The following CMKLR1 variants were observed in gnomAD, a reference collection of about 807,000 sequenced individuals.
CMKLR1 encodes the protein chemerin-like receptor 1.
CMKLR1 carries 6 observed loss-of-function variants against 8.2 expected under a neutral mutation model. The observed-to-expected ratio is 0.73, with a 90% CI of 0.40 to 1.44. CMKLR1 has a LOEUF of 1.44. Among genes scored for constraint, CMKLR1 ranks in the 40% most tolerant of loss-of-function variants. CMKLR1 has a pLI of 0.02. For missense variants in CMKLR1, 429 were observed against 478.0 expected, an observed-to-expected ratio of 0.90 and a Z score of 0.96; for synonymous variants, 178 against 181.2, an observed-to-expected ratio of 0.98 and a Z score of 0.14.
rs573645360 is a variant in CMKLR1 at position 108,317,271 on chromosome 12, T to C, written c.-74+12724A>G. 9.2e-5 allele frequency among the ~76,000 whole-genome samples: 14 copies of C among 152,354 alleles called. No homozygotes were observed. The South Asian group carries it at 2.3e-3, about 25-fold the overall frequency. ...CATGGGTTTCAGTCATTATGTGCTC[T>C]AGAGGTTCTCTTCATCCATGGTTAT... On this transcript the variant is annotated intron_variant, in intron 2 of 3. Coordinates refer to ENST00000550402, the MANE Select transcript of CMKLR1 (RefSeq NM_001142343.2).
At chr12:108,322,263 C>T (rs1891879729) in intron 2 of CMKLR1, among the ~76,000 whole-genome samples, 1 of 152,178 alleles carries the variant, frequency 6.6e-6, no homozygotes, top group Non-Finnish European at 1.5e-5. Context: ...TGGTGCATAC[C>T]TCCCAGGGCT....
chr12:108,312,421 G>A (rs571686965), intron 2 of CMKLR1, among the ~76,000 whole-genome samples: 2 of 152,202 alleles, frequency 1.3e-5, no homozygotes, highest in African/African-American at 4.8e-5. Flanking sequence ...CCATGGGGAA[G>A]AGCCCTCACC....
chr12:108,290,365 A>G lies in CMKLR1; in HGVS notation c.*1476T>C, dbSNP rs1684913143. 6.6e-6 allele frequency: 1 copy of G among 152,164 alleles called. No homozygotes were observed. Among genetic ancestry groups the G allele is most frequent in the Non-Finnish European group, 1.5e-5 (1 of 68,020 alleles). The allele number at this position is 152,164 out of a possible 1,614,324, so 9.4% of individuals were successfully genotyped here. ...CCTCTCTAAGCCTCAGATTCCTCCT[A>G]TGTAAAAGGGAAGTTATAACCATAC... On this transcript the variant is annotated 3_prime_UTR_variant, in exon 4 of 4. Transcript: ENST00000550402.
Position 108,290,470 on chromosome 12 carries a change from G to A in CMKLR1, c.*1371C>T, listed in dbSNP as rs1190688910. On this transcript the variant is annotated 3_prime_UTR_variant, in exon 4 of 4. Coordinates refer to ENST00000550402, the MANE Select transcript of CMKLR1 (RefSeq NM_001142343.2). ...TATAAAAAGTGCTAAATAAATGTAG[G>A]CTATCAATATACTAGAATAATCTCC... is the stretch of plus-strand genomic sequence containing the variant. 1 of 152,180 alleles carries A rather than the reference G, an allele frequency of 6.6e-6. No homozygotes were observed. Among genetic ancestry groups the A allele is most frequent in the Admixed American group, 6.5e-5 (1 of 15,284 alleles). 9.4% of individuals were successfully genotyped at this position (152,180 alleles called of 1,614,324 possible).
At chr12:108,312,843 G>T (rs982270612) in intron 2 of CMKLR1, among the ~76,000 whole-genome samples, 2 of 152,028 alleles carry the variant, frequency 1.3e-5, no homozygotes, top group Non-Finnish European at 2.9e-5. Flanking sequence ...ACTGACTTGG[G>T]GTACTTAGAG....
chr12:108,322,331 G>C (rs999079314), intron 2 of CMKLR1, among the ~76,000 whole-genome samples: 2 of 152,118 alleles, frequency 1.3e-5, no homozygotes, highest in Admixed American at 6.5e-5. Context: ...GGGATTTTAG[G>C]GAGACACTGG....
rs926004008 is a variant in CMKLR1, at chr12:108,291,101, G to A, written c.*740C>T. The A allele has an allele frequency of 6.6e-6, 1 of 152,276 alleles. No individual in the cohort carries two copies. The highest frequency in any genetic ancestry group is 2.4e-5 in the African/African-American group (1 of 41,466). 9.4% of individuals were successfully genotyped at this position (152,276 alleles called of 1,614,324 possible). A position where few individuals can be genotyped will look rare whatever the true frequency, so the allele number is the denominator to read the frequency against. The stretch of plus-strand genomic sequence containing the variant: ...CCAGCCTAAAGCACCATCAGCCTGC[G>A]ATGTTCTAGGGTGAGCTGCTCCATG... On this transcript the variant is annotated 3_prime_UTR_variant, in exon 4 of 4. Coordinates refer to ENST00000550402, the MANE Select transcript of CMKLR1 (RefSeq NM_001142343.2).
At chr12:108,310,889 G>A (rs1220924856) in intron 2 of CMKLR1, among the ~76,000 whole-genome samples, 1 of 152,178 alleles carries the variant, frequency 6.6e-6, no homozygotes, top group Non-Finnish European at 1.5e-5. Context: ...GCCAGAACCT[G>A]CAGCTCACCA....
At chr12:108,295,984 C>A (rs1056971031) in intron 2 of CMKLR1, among the ~76,000 whole-genome samples, 1 of 152,190 alleles carries the variant, frequency 6.6e-6, no homozygotes, top group Non-Finnish European at 1.5e-5. Flanking sequence ...AACTCCTCAT[C>A]CTTCCAGGAA....
intron 2 of CMKLR1, among the ~76,000 whole-genome samples, chr12:108,311,317 T>G (rs1300277579): frequency 6.6e-6 from 1 of 152,156 alleles, no homozygotes; most frequent in Admixed American, 6.5e-5. Flanking sequence ...ATATTAACAC[T>G]TAAAAGTGCT....
chr12:108,292,124 T>C lies in CMKLR1; in HGVS notation c.839A>G (p.Asn280Ser), dbSNP rs1890992306. 6.2e-7 allele frequency: 1 copy of C among 1,613,464 alleles called. No individual in the cohort carries two copies. Residue 280 changes from asparagine to serine, a missense_variant, in exon 4 of 4, where the codon AAC (asparagine) becomes AGC (serine). Physicochemically the swap from Asn to Ser is conservative, Grantham distance 46. Coordinates refer to ENST00000550402, the MANE Select transcript of CMKLR1 (RefSeq NM_001142343.2). ...FLCWCPYHTLNLLELHHTAMP... is the reference protein window; with the variant it reads ...FLCWCPYHTLSLLELHHTAMP... Reference sequence around the variant, plus strand: ...GGCAGTGTGGTGGAGCTCTAGGAGGTTGAGTGTGTGGTAGGGGCACCAGCA... The same window carrying C: ...GGCAGTGTGGTGGAGCTCTAGGAGGCTGAGTGTGTGGTAGGGGCACCAGCA...
chr12:108,293,762 T>C (rs1270063345), intron 2 of CMKLR1, 98 bp from the exon 3 acceptor site: 5 of 675,848 alleles, frequency 7.4e-6, no homozygotes, highest in African/African-American at 5.5e-5. Flanking sequence ...CTGTTGTTCT[T>C]ATTCCCATTT....
intron 2 of CMKLR1, among the ~76,000 whole-genome samples, chr12:108,318,997 C>T (rs988314083): frequency 6.6e-6 from 1 of 152,140 alleles, no homozygotes; most frequent in African/African-American, 2.4e-5. Context: ...CAACAGGGTG[C>T]CTGCCTCACT....
intron 2 of CMKLR1, among the ~76,000 whole-genome samples, chr12:108,294,091 C>G (rs1366166616): frequency 1.3e-5 from 2 of 152,240 alleles, no homozygotes; most frequent in Non-Finnish European, 2.9e-5. Context: ...AAGACCCACA[C>G]AGAGTACCTG....
intron 2 of CMKLR1, among the ~76,000 whole-genome samples, chr12:108,316,537 A>C (rs1435344536): frequency 6.6e-5 from 10 of 152,136 alleles, no homozygotes; most frequent in Non-Finnish European, 1.5e-4. Context: ...AGTCCCCAGG[A>C]AGAGAGACCC....
intron 2 of CMKLR1, among the ~76,000 whole-genome samples, chr12:108,300,961 G>C (rs1891251594): frequency 6.6e-6 from 1 of 152,164 alleles, no homozygotes; most frequent in Admixed American, 6.5e-5. Flanking sequence ...AGAGGCTCAG[G>C]GGGTGAAAAA....
chr12:108,310,692 C>T (rs534339282), intron 2 of CMKLR1, among the ~76,000 whole-genome samples: 2 of 152,248 alleles, frequency 1.3e-5, no homozygotes, highest in South Asian at 4.1e-4. Flanking sequence ...AAAGCCAGGT[C>T]ACAGAGAAGG....
At chr12:108,323,420 C>T (rs907594798) in intron 2 of CMKLR1, among the ~76,000 whole-genome samples, 3 of 151,922 alleles carry the variant, frequency 2.0e-5, no homozygotes, top group African/African-American at 7.3e-5. Context: ...CTCCGGTGGG[C>T]TGGGGTTGTC....
At chr12:108,295,245 C>T (rs1421710338) in intron 2 of CMKLR1, among the ~76,000 whole-genome samples, 1 of 152,234 alleles carries the variant, frequency 6.6e-6, no homozygotes, top group Admixed American at 6.5e-5. Flanking sequence ...GGGGCTACAG[C>T]AGGGCTCAGA....
Sources: gnomAD v4.1 joint callset for allele counts (sites outside exome capture counted in the v4.1 genomes callset) on GRCh38, gnomAD v4.1.1 for gene constraint, MANE v1.5 for transcripts, NCBI Gene and HGNC (gene_info 2026-07-23, HGNC 2026-07-21) for gene names.